The following MIOS variants were observed in gnomAD, a reference collection of about 807,000 sequenced individuals.
The protein encoded by MIOS is GATOR2 complex protein MIOS.
Under a neutral mutation model 96.9 loss-of-function variants are expected in MIOS, and 52 were observed. The observed-to-expected ratio is 0.54, with a 90% confidence interval of 0.43 to 0.68. The LOEUF is 0.68. Among genes scored for constraint, MIOS ranks in the 30% least tolerant of loss-of-function variants. The pLI, the probability that MIOS is intolerant of heterozygous loss-of-function variation, is 0.00. For synonymous variants in MIOS, 397 were observed against 359.5 expected, an observed-to-expected ratio of 1.10 and a Z score of -1.18; for missense variants, 1,005 against 1,052.8, an observed-to-expected ratio of 0.95 and a Z score of 0.63.
intron 10 of MIOS, 126 bp downstream of exon 10, chr7:7,595,258 A>T: frequency 9.7e-7 from 1 of 1,028,380 alleles, no homozygotes; most frequent in South Asian, 1.8e-5. Context: ...TGTAGACTGA[A>T]CTTTGTCCTT....
Position 7,595,084 on chromosome 7 carries a change from T to C in MIOS, c.2148T>C (p.Phe716=). 1 of 1,614,088 alleles carries C rather than the reference T, an allele frequency of 6.2e-7. No individual in the cohort carries two copies. Among genetic ancestry groups the C allele is most frequent in the African/African-American group, 1.3e-5 (1 of 75,056 alleles). ...AWRFWHKRAE[F]DIHRSKLDPS... ...GGTTTTGGCATAAACGAGCTGAATT[T>C]GATATTCACAGGAGTAAGTTGGATC... The change falls in exon 10 of 13, where the codon TTT becomes TTC. Residue 716 remains phenylalanine (F), a synonymous_variant. Transcript: ENST00000340080.
chr7:7,569,243 C>G (rs375039339), intron 3 of MIOS, among the ~76,000 whole-genome samples: 38 of 152,296 alleles, frequency 2.5e-4, no homozygotes, highest in African/African-American at 7.9e-4. Context: ...AGGTGCCCCT[C>G]TTCCTCCTCA....
At chr7:7,579,983 T>C (rs1212738099) in intron 5 of MIOS, among the ~76,000 whole-genome samples, 2 of 152,216 alleles carry the variant, frequency 1.3e-5, no homozygotes, top group Admixed American at 1.3e-4. Flanking sequence ...TTTGAGAAAT[T>C]AGAATATTAT....
intron 6 of MIOS, among the ~76,000 whole-genome samples, chr7:7,584,956 A>G (rs1314857261): frequency 6.6e-6 from 1 of 152,164 alleles, no homozygotes; most frequent in Non-Finnish European, 1.5e-5. Flanking sequence ...TAATTCTTGT[A>G]GTTCATTTTG....
intron 11 of MIOS, among the ~76,000 whole-genome samples, chr7:7,601,416 A>G (rs1485840063): frequency 6.6e-6 from 1 of 152,226 alleles, no homozygotes; most frequent in African/African-American, 2.4e-5. Flanking sequence ...CAGAAATACA[A>G]ACTACCATCA....
At chr7:7,596,173 ATAAT>A (rs1293521948) in intron 10 of MIOS, 80 bp from the exon 11 acceptor site, 9 of 1,189,046 alleles carry the variant, frequency 7.6e-6, no homozygotes, top group African/African-American at 1.5e-5. Flanking sequence ...GTATTTAAAA[ATAAT>A]TTGTTAGGCG....
rs1783939461 is a variant in MIOS, at chr7:7,587,889, T to G, written c.1819-609T>G. On this transcript the variant is annotated intron_variant, in intron 7 of 12. Coordinates refer to ENST00000340080, the MANE Select transcript of MIOS (RefSeq NM_019005.4). ...TTCCTACATTTGTAGTAAATATATT[T>G]CAAAAGTGTTTCATGATATTGACGA... is the stretch of plus-strand genomic sequence containing the variant. Among the ~76,000 whole-genome samples, 3 of 152,198 alleles carry G rather than the reference T, an allele frequency of 2.0e-5. No homozygotes were observed. In the South Asian group the frequency reaches 6.2e-4, roughly 31 times the overall value.
intron 1 of MIOS, 158 bp from the exon 2 acceptor site, chr7:7,567,449 C>G (rs1178859337): frequency 6.6e-6 from 1 of 151,830 alleles, no homozygotes; most frequent in Non-Finnish European, 1.5e-5. Context: ...GTTGTACCCT[C>G]TTAAATACTA....
At chr7:7,585,365 C>T (rs992369965) in intron 6 of MIOS, among the ~76,000 whole-genome samples, 1 of 150,120 alleles carries the variant, frequency 6.7e-6, no homozygotes, top group African/African-American at 2.4e-5. Context: ...AAATGTTTTG[C>T]TTATTGTCTT....
At chr7:7,571,586 T>G (rs1409927135) in intron 3 of MIOS, among the ~76,000 whole-genome samples, 1 of 152,218 alleles carries the variant, frequency 6.6e-6, no homozygotes, top group African/African-American at 2.4e-5. Flanking sequence ...ATGAGTCAGT[T>G]TAAAGAAAAA....
In MIOS at chr7:7,573,851, T is replaced by A. The variant is rs1423546696; in HGVS notation, c.1294+82T>A. 1.6e-6 allele frequency: 2 copies of A among 1,266,004 alleles called. No homozygotes were observed. The highest frequency in any genetic ancestry group is 2.2e-6 in the Non-Finnish European group (2 of 913,730). 78.4% of individuals were successfully genotyped at this position (1,266,004 alleles called of 1,614,324 possible). A position where few individuals can be genotyped will look rare whatever the true frequency, so the allele number is the denominator to read the frequency against. ...TTGCCAAAAGGTCAGTCTGTAAATA[T>A]GCTCAATGTTTTATATACAAATACA... On this transcript the variant is annotated intron_variant, in intron 4 of 12. Coordinates refer to ENST00000340080, the MANE Select transcript of MIOS (RefSeq NM_019005.4). The surrounding 1 kb of genome is among the most constrained non-coding windows in gnomAD (Gnocchi z 5.0).
chr7:7,589,113 A>G (rs1783974003), intron 8 of MIOS, among the ~76,000 whole-genome samples: 1 of 152,142 alleles, frequency 6.6e-6, no homozygotes, highest in African/African-American at 2.4e-5. Flanking sequence ...GACAGCAAAA[A>G]TTTCGCAGAA....
intron 11 of MIOS, among the ~76,000 whole-genome samples, chr7:7,602,600 C>G (rs147983589): frequency 0.1 from 15,468 of 152,172 alleles, 860 homozygotes; most frequent in Middle Eastern, 0.23. Flanking sequence ...GAAGAACATT[C>G]CATGCTCATG....
intron 3 of MIOS, among the ~76,000 whole-genome samples, chr7:7,570,326 T>C (rs906196795): frequency 6.6e-6 from 1 of 152,090 alleles, no homozygotes; most frequent in Non-Finnish European, 1.5e-5. Context: ...TTGAGGGTGC[T>C]AGTAAGAATA....
intron 11 of MIOS, among the ~76,000 whole-genome samples, chr7:7,599,650 G>A (rs1784313430): frequency 1.3e-5 from 2 of 152,160 alleles, no homozygotes; most frequent in Admixed American, 6.6e-5. Flanking sequence ...GGAAGAGCAA[G>A]TGTATTGTTG....
intron 5 of MIOS, 110 bp downstream of exon 5, chr7:7,574,306 A>C: frequency 1.3e-6 from 1 of 774,704 alleles, no homozygotes; most frequent in Non-Finnish European, 2.0e-6. Context: ...TCATGTACAT[A>C]ATTTTTTTTG....
intron 11 of MIOS, among the ~76,000 whole-genome samples, chr7:7,603,077 G>T (rs1050779122): frequency 6.6e-6 from 1 of 152,068 alleles, no homozygotes; most frequent in Admixed American, 6.6e-5. Context: ...ATTCAAGATG[G>T]ATTAAAGACT....
chr7:7,574,020 A>G (rs2115354986), intron 4 of MIOS, 78 bp from the exon 5 acceptor site: 1 of 1,171,058 alleles, frequency 8.5e-7, no homozygotes, highest in African/African-American at 1.6e-5. Context: ...CTTATTATGA[A>G]TTGGCTCCAA....
intron 6 of MIOS, among the ~76,000 whole-genome samples, chr7:7,584,018 C>T (rs927895505): frequency 6.6e-5 from 10 of 152,032 alleles, no homozygotes; most frequent in South Asian, 6.2e-4. Context: ...AGGAATATTT[C>T]GCTTGGAAAT....
Sources: gnomAD v4.1 joint callset for allele counts (sites outside exome capture counted in the v4.1 genomes callset) on GRCh38, gnomAD v4.1.1 for gene constraint, Gnocchi (gnomAD v3.1) non-coding constraint, MANE v1.5 for transcripts, NCBI Gene and HGNC (gene_info 2026-07-23, HGNC 2026-07-21) for gene names.